Variants in TP63 observed in about 807,000 individuals in gnomAD.
The protein encoded by TP63 is tumor protein p63, also known as tumor protein 63.
TP63 carries 17 observed loss-of-function variants against 82.8 expected under a neutral mutation model. That is an observed-to-expected ratio of 0.21 (90% confidence interval 0.14 to 0.31). The LOEUF (loss-of-function observed/expected upper bound fraction) is 0.31, where lower values mean the gene tolerates loss of function less well. TP63 is among the 10% of genes least tolerant of loss of function. The probability of loss-of-function intolerance (pLI) is 1.00; values close to 1 mark genes in which losing one functional copy is unlikely to be tolerated. For missense variants in TP63, 648 were observed against 895.3 expected (o/e 0.72, Z 3.52); for synonymous variants, 330 against 321.7 (o/e 1.03, Z -0.28).
intron 6 of TP63, 132 bp downstream of exon 6, chr3:189,866,929 T>C: frequency 1.3e-6 from 1 of 778,762 alleles, no homozygotes; most frequent in Non-Finnish European, 2.2e-6. Flanking sequence ...AAATATATAA[T>C]ATTTTTGTAT....
intron 3 of TP63, among the ~76,000 whole-genome samples, chr3:189,755,448 T>C (rs1274050684): frequency 6.6e-6 from 1 of 152,094 alleles, no homozygotes; most frequent in African/African-American, 2.4e-5. Context: ...AATAAAACAT[T>C]TGTGATCATG....
At chr3:189,810,415 A>T (rs1210951399) in intron 4 of TP63, among the ~76,000 whole-genome samples, 1 of 152,198 alleles carries the variant, frequency 6.6e-6, no homozygotes, top group Non-Finnish European at 1.5e-5. Context: ...AGCATGTCTG[A>T]TGAGATGATG....
chr3:189,874,765 A>G (rs1184497836), intron 10 of TP63, among the ~76,000 whole-genome samples: 1 of 152,198 alleles, frequency 6.6e-6, no homozygotes, highest in Non-Finnish European at 1.5e-5. Flanking sequence ...TTATAAAACC[A>G]TACAACCAGG....
At chr3:189,850,088 C>G (rs1405659947) in intron 4 of TP63, among the ~76,000 whole-genome samples, 1 of 152,118 alleles carries the variant, frequency 6.6e-6, no homozygotes, top group Non-Finnish European at 1.5e-5. Flanking sequence ...TTGAGACCAG[C>G]CTGACCAACA....
intron 1 of TP63, among the ~76,000 whole-genome samples, chr3:189,677,757 CT>C (rs1213100622): frequency 6.6e-6 from 1 of 152,028 alleles, no homozygotes; most frequent in Non-Finnish European, 1.5e-5. Context: ...TCATCAACAT[CT>C]GTTATTTTTC....
intron 4 of TP63, among the ~76,000 whole-genome samples, chr3:189,859,078 G>A (rs1310799036): frequency 6.6e-6 from 1 of 152,084 alleles, no homozygotes; most frequent in Non-Finnish European, 1.5e-5. Context: ...ATAGTTAACA[G>A]TAATGTATTG....
At chr3:189,622,932 T>C in the TP63 span, among the ~76,000 whole-genome samples, 1 of 152,228 alleles carries the variant, frequency 6.6e-6, no homozygotes, top group Non-Finnish European at 1.5e-5. Context: ...AGCCTTGTTA[T>C]TTTTAAGTCA....
At chr3:189,667,633 A>G (rs1714519932) in intron 1 of TP63, among the ~76,000 whole-genome samples, 1 of 152,090 alleles carries the variant, frequency 6.6e-6, no homozygotes, top group South Asian at 2.1e-4. Flanking sequence ...CAAAGCAAAT[A>G]AGTACTAAAG....
At chr3:189,611,113 A>C in the TP63 span, among the ~76,000 whole-genome samples, 2 of 152,202 alleles carry the variant, frequency 1.3e-5, no homozygotes, top group African/African-American at 4.8e-5. Flanking sequence ...CTCTATTGAT[A>C]GTTTCTTTTG....
intron 3 of TP63, among the ~76,000 whole-genome samples, chr3:189,744,981 A>T (rs1321637509): frequency 6.6e-6 from 1 of 152,238 alleles, no homozygotes. Flanking sequence ...ACCCTAAGCC[A>T]CAAGGGAAAT....
At chr3:189,864,675 C>G (rs1383184441) in intron 5 of TP63, among the ~76,000 whole-genome samples, 3 of 150,698 alleles carry the variant, frequency 2.0e-5, no homozygotes, top group Non-Finnish European at 2.9e-5. Context: ...TATCTTTACT[C>G]CTTCCTGCTT....
chr3:189,603,026 C>G, the TP63 span, among the ~76,000 whole-genome samples: 1 of 152,134 alleles, frequency 6.6e-6, no homozygotes, highest in Non-Finnish European at 1.5e-5. Flanking sequence ...AACTTCTCAG[C>G]TGCACTGCTA....
chr3:189,697,233 G>GTTT (rs60550638), intron 1 of TP63, among the ~76,000 whole-genome samples: 33 of 142,262 alleles, frequency 2.3e-4, no homozygotes, highest in Non-Finnish European at 3.9e-4. Context: ...TCTAGGTTCA[G>GTTT]TTTTTTTTTT....
At chr3:189,832,043 G>A (rs1036397746) in intron 4 of TP63, among the ~76,000 whole-genome samples, 1 of 151,918 alleles carries the variant, frequency 6.6e-6, no homozygotes, top group Non-Finnish European at 1.5e-5. Flanking sequence ...TGTTGGTCAG[G>A]CTGGTCTTGA....
intron 1 of TP63, among the ~76,000 whole-genome samples, chr3:189,671,952 G>A (rs1714928127): frequency 6.6e-6 from 1 of 152,010 alleles, no homozygotes; most frequent in South Asian, 2.1e-4. Context: ...AGCTGAGTAG[G>A]AAGAATAAGT....
chr3:189,778,922 C>T (rs1724022543), intron 3 of TP63, among the ~76,000 whole-genome samples: 1 of 152,110 alleles, frequency 6.6e-6, no homozygotes, highest in South Asian at 2.1e-4. Flanking sequence ...ACTTAGCAAC[C>T]AAGTTACAAA....
Position 189,889,347 on chromosome 3 carries a change from G to C in TP63, c.1515G>C (p.Met505Ile), listed in dbSNP as rs761599169. Residue 505 changes from methionine to isoleucine, a missense_variant, in exon 12 of 14, where the codon ATG (methionine) becomes ATC (isoleucine). Met to Ile is a conservative substitution (Grantham distance 10). Coordinates refer to ENST00000264731, the MANE Select transcript of TP63 (RefSeq NM_003722.5). ...IPDGMGANIP[M>I]MGTHMPMAGD... The stretch of plus-strand genomic sequence containing the variant: ...CCTCCTGCTTCTGTTCAGTTCCCAT[G>C]ATGGGCACCCACATGCCAATGGCTG... 9 of 1,614,018 alleles carry C rather than the reference G, an allele frequency of 5.6e-6. No individual in the cohort carries two copies. Among genetic ancestry groups the C allele is most frequent in the South Asian group, 4.4e-5 (4 of 91,086 alleles).
chr3:189,710,661 TTA>T (rs1264174375), intron 1 of TP63, among the ~76,000 whole-genome samples: 2 of 152,126 alleles, frequency 1.3e-5, no homozygotes, highest in Non-Finnish European at 2.9e-5. Flanking sequence ...ACATAGTTAT[TTA>T]TGTGCTTAAA....
At chr3:189,781,445 C>T (rs998654649) in intron 3 of TP63, among the ~76,000 whole-genome samples, 8 of 152,242 alleles carry the variant, frequency 5.3e-5, no homozygotes, top group African/African-American at 1.7e-4. Flanking sequence ...TGGCTACTAG[C>T]GGACACATAT....
Sources: allele counts gnomAD v4.1 joint callset (sites outside exome capture counted in the v4.1 genomes callset), GRCh38; gene constraint gnomAD v4.1.1; transcripts MANE v1.5; gene names NCBI Gene and HGNC (gene_info 2026-07-23, HGNC 2026-07-21).